MAML2: variants seen among roughly 807,000 people sequenced by gnomAD.
MAML2 encodes the protein mastermind like transcriptional coactivator 2.
Under a neutral mutation model 96.1 loss-of-function variants are expected in MAML2, and 22 were observed. The observed-to-expected ratio is 0.23, with a 90% CI of 0.16 to 0.33. MAML2 has a LOEUF of 0.33. MAML2 is among the 10% of genes least tolerant of loss of function. The pLI is 1.00. For synonymous variants in MAML2, 561 were observed against 521.3 expected (o/e 1.08, Z -1.04); for missense variants, 1,367 against 1,392.4 (o/e 0.98, Z 0.29).
At chr11:96,329,552 G>A (rs1323754636) in intron 1 of MAML2, among the ~76,000 whole-genome samples, 1 of 152,204 alleles carries the variant, frequency 6.6e-6, no homozygotes, top group Non-Finnish European at 1.5e-5. Flanking sequence ...GGCCTAAGAA[G>A]TGATACAAGC....
At chr11:96,225,521 G>A (rs1469161126) in intron 1 of MAML2, among the ~76,000 whole-genome samples, 1 of 152,068 alleles carries the variant, frequency 6.6e-6, no homozygotes, top group African/African-American at 2.4e-5. Context: ...TTAATTTTGA[G>A]GTAATTCATT....
intron 1 of MAML2, among the ~76,000 whole-genome samples, chr11:96,281,578 G>A (rs1054597906): frequency 6.6e-6 from 1 of 152,102 alleles, no homozygotes; most frequent in African/African-American, 2.4e-5. Context: ...AGCAGCCCTG[G>A]TTTTGAGAAA....
intron 1 of MAML2, among the ~76,000 whole-genome samples, chr11:96,183,386 C>G (rs964905917): frequency 5.3e-5 from 7 of 132,660 alleles, no homozygotes; most frequent in African/African-American, 2.1e-4. Context: ...TTCCCTTCCT[C>G]CGTTCCTCCC....
At chr11:96,041,753 T>C (rs1280100804) in intron 2 of MAML2, among the ~76,000 whole-genome samples, 6 of 151,964 alleles carry the variant, frequency 3.9e-5, no homozygotes. Context: ...GAAATGCCTA[T>C]TAAATCTGTC....
chr11:96,265,348 A>G (rs1197596530), intron 1 of MAML2, among the ~76,000 whole-genome samples: 1 of 152,230 alleles, frequency 6.6e-6, no homozygotes, highest in Non-Finnish European at 1.5e-5. Context: ...TTTCAAGTGA[A>G]TAACTAGAAT....
intron 2 of MAML2, among the ~76,000 whole-genome samples, chr11:96,018,506 A>G (rs1858388793): frequency 1.3e-5 from 2 of 152,246 alleles, no homozygotes; most frequent in South Asian, 4.1e-4. Context: ...AGTCTGGTAT[A>G]TGAAGAAGAA....
intron 2 of MAML2, among the ~76,000 whole-genome samples, chr11:96,008,132 A>C (rs2135725132): frequency 6.6e-6 from 1 of 152,338 alleles, no homozygotes; most frequent in East Asian, 1.9e-4. Flanking sequence ...AATATAATAT[A>C]TAAACCTTTT....
At chr11:96,075,554 G>A (rs147556105) in intron 2 of MAML2, among the ~76,000 whole-genome samples, 1 of 152,244 alleles carries the variant, frequency 6.6e-6, no homozygotes, top group East Asian at 1.9e-4. Flanking sequence ...ATATTTAAGT[G>A]CCTACAGAGT....
intron 1 of MAML2, among the ~76,000 whole-genome samples, chr11:96,139,895 T>C (rs749878134): frequency 7.2e-5 from 11 of 152,222 alleles, no homozygotes; most frequent in Non-Finnish European, 1.2e-4. Flanking sequence ...CTCTCCGTGA[T>C]GCAATGAAGG....
chr11:96,177,163 T>C (rs1233949759), intron 1 of MAML2, among the ~76,000 whole-genome samples: 1 of 152,224 alleles, frequency 6.6e-6, no homozygotes, highest in Non-Finnish European at 1.5e-5. Context: ...GATTGAACCA[T>C]AAAAGTGAAG....
chr11:96,244,002 T>G (rs1338020523), intron 1 of MAML2, among the ~76,000 whole-genome samples: 1 of 152,250 alleles, frequency 6.6e-6, no homozygotes, highest in African/African-American at 2.4e-5. Flanking sequence ...TCTGCACTGA[T>G]GGACTTTTCT....
chr11:96,201,633 A>T (rs1186925046), intron 1 of MAML2, among the ~76,000 whole-genome samples: 1 of 152,214 alleles, frequency 6.6e-6, no homozygotes, highest in Admixed American at 6.5e-5. Flanking sequence ...AAAAGTCTCA[A>T]ATGGGGCGGG....
intron 2 of MAML2, among the ~76,000 whole-genome samples, chr11:95,997,660 G>A (rs1858013096): frequency 6.6e-6 from 1 of 152,004 alleles, no homozygotes; most frequent in Admixed American, 6.6e-5. Flanking sequence ...TCGCTTAGTG[G>A]GATACACATC....
intron 1 of MAML2, among the ~76,000 whole-genome samples, chr11:96,105,874 G>A (rs199638994): frequency 2.0e-5 from 3 of 147,746 alleles, no homozygotes; most frequent in South Asian, 2.2e-4. Context: ...GGTTATAATG[G>A]AAAAAAAAAA....
intron 1 of MAML2, among the ~76,000 whole-genome samples, chr11:96,218,833 T>C (rs1862089071): frequency 6.6e-6 from 1 of 152,232 alleles, no homozygotes; most frequent in South Asian, 2.1e-4. Context: ...CCATGGAATA[T>C]TTGAAACATA....
intron 1 of MAML2, among the ~76,000 whole-genome samples, chr11:96,205,423 T>C (rs1350748601): frequency 6.6e-6 from 1 of 152,218 alleles, no homozygotes; most frequent in Non-Finnish European, 1.5e-5. Context: ...TCTAACACAT[T>C]TCAGGCACTG....
intron 1 of MAML2, among the ~76,000 whole-genome samples, chr11:96,241,450 T>G (rs1862436942): frequency 6.6e-6 from 1 of 152,204 alleles, no homozygotes; most frequent in Non-Finnish European, 1.5e-5. Flanking sequence ...TGGCAATGTC[T>G]GGAGATATTT....
At chr11:96,132,158 C>T (rs745573493) in intron 1 of MAML2, among the ~76,000 whole-genome samples, 12 of 152,228 alleles carry the variant, frequency 7.9e-5, no homozygotes, top group Middle Eastern at 3.4e-3. Flanking sequence ...ACCCATGTCA[C>T]GTGCAGAAAA....
chr11:96,202,763 G>A (rs1861844180), intron 1 of MAML2, among the ~76,000 whole-genome samples: 1 of 152,020 alleles, frequency 6.6e-6, no homozygotes, highest in African/African-American at 2.4e-5. Context: ...CGAGTAGCTG[G>A]GATTACAGGC....
Sources: allele counts gnomAD v4.1 joint callset (sites outside exome capture counted in the v4.1 genomes callset), GRCh38; gene constraint gnomAD v4.1.1; transcripts MANE v1.5; gene names NCBI Gene and HGNC (gene_info 2026-07-23, HGNC 2026-07-21).